The following CSMD3 variants were observed in gnomAD, a reference collection of about 807,000 sequenced individuals.
CSMD3 encodes the protein CUB and Sushi multiple domains 3, also known as CUB and sushi domain-containing protein 3.
Under a neutral mutation model 435.2 loss-of-function variants are expected in CSMD3, and 177 were observed. That is an observed-to-expected ratio of 0.41 (90% CI 0.36 to 0.46). CSMD3 has a LOEUF of 0.46. Among genes scored for constraint, CSMD3 ranks in the 20% least tolerant of loss-of-function variants. CSMD3 has a pLI of 0.34. For missense variants in CSMD3, 4,265 were observed against 4,504.6 expected (o/e 0.95, Z 1.52); for synonymous variants, 1,656 against 1,520.5 (o/e 1.09, Z -2.07).
At chr8:113,003,448 TG>T (rs1406095342) in intron 6 of CSMD3, among the ~76,000 whole-genome samples, 1 of 152,064 alleles carries the variant, frequency 6.6e-6, no homozygotes, top group African/African-American at 2.4e-5. Context: ...GTAATATTTT[TG>T]ATAAGTGTGT....
chr8:113,061,753 TAAAA>T (rs1009505891), intron 5 of CSMD3, among the ~76,000 whole-genome samples: 3 of 150,618 alleles, frequency 2.0e-5, no homozygotes, highest in Non-Finnish European at 1.5e-5. Flanking sequence ...CATAGGTTAA[TAAAA>T]AAAAAGTTAA....
chr8:112,594,551 C>T (rs1831509343), intron 22 of CSMD3, among the ~76,000 whole-genome samples: 1 of 152,196 alleles, frequency 6.6e-6, no homozygotes, highest in Admixed American at 6.5e-5. Flanking sequence ...CTGTAGGCTC[C>T]ACCTCTGGGG....
chr8:113,336,833 A>T (rs757461398), intron 1 of CSMD3, among the ~76,000 whole-genome samples: 4 of 152,106 alleles, frequency 2.6e-5, no homozygotes, highest in Non-Finnish European at 5.9e-5. Context: ...AGGGGGTCTC[A>T]TTACTGGCCA....
intron 1 of CSMD3, among the ~76,000 whole-genome samples, chr8:113,355,732 A>G (rs2094219571): frequency 2.8e-5 from 3 of 106,448 alleles, no homozygotes; most frequent in African/African-American, 4.5e-5. Flanking sequence ...TTATATATAT[A>G]TATATATATA....
At chr8:113,378,396 T>C (rs1406226487) in intron 1 of CSMD3, among the ~76,000 whole-genome samples, 2 of 152,200 alleles carry the variant, frequency 1.3e-5, no homozygotes, top group Admixed American at 1.3e-4. Context: ...TTTAGAGATA[T>C]AGTCTAGTTG....
chr8:112,413,395 C>A (rs984787085), intron 32 of CSMD3, among the ~76,000 whole-genome samples: 1 of 152,176 alleles, frequency 6.6e-6, no homozygotes, highest in African/African-American at 2.4e-5. Context: ...GTTTTCTATT[C>A]TCTATCAAAC....
At chr8:112,287,396 C>T (rs1456764304) in intron 57 of CSMD3, 150 bp from the exon 58 acceptor site, 2 of 718,102 alleles carry the variant, frequency 2.8e-6, no homozygotes, top group South Asian at 1.5e-5. Flanking sequence ...TCTTATCTGA[C>T]TCCAGTCATT....
chr8:112,832,659 G>A (rs981675865), intron 11 of CSMD3, among the ~76,000 whole-genome samples: 8 of 152,102 alleles, frequency 5.3e-5, no homozygotes, highest in African/African-American at 1.9e-4. Context: ...GAGCTTGGAA[G>A]AAGCCCTACA....
chr8:112,323,871 C>T (rs574251249), intron 45 of CSMD3, among the ~76,000 whole-genome samples: 115 of 152,056 alleles, frequency 7.6e-4, no homozygotes, highest in African/African-American at 2.6e-3. Context: ...CACTAAAATG[C>T]CACATCAAAA....
intron 36 of CSMD3, among the ~76,000 whole-genome samples, chr8:112,385,941 C>G (rs993924561): frequency 6.6e-6 from 1 of 151,916 alleles, no homozygotes; most frequent in African/African-American, 2.4e-5. Flanking sequence ...TAAATACTAC[C>G]GTATATGGAA....
chr8:112,410,384 C>T (rs548874262), intron 32 of CSMD3, among the ~76,000 whole-genome samples: 1 of 150,106 alleles, frequency 6.7e-6, no homozygotes, highest in Non-Finnish European at 1.5e-5. Flanking sequence ...CAGACACATG[C>T]CGTGAATTAT....
chr8:112,380,809 A>G (rs1351375173), intron 37 of CSMD3, among the ~76,000 whole-genome samples: 1 of 152,158 alleles, frequency 6.6e-6, no homozygotes, highest in African/African-American at 2.4e-5. Flanking sequence ...TAAACAATAA[A>G]TACATATATA....
chr8:112,494,252 G>T lies in CSMD3; in HGVS notation c.5084-1569C>A, dbSNP rs990026359. 2.0e-5 allele frequency among the ~76,000 whole-genome samples: 3 copies of T among 151,778 alleles called. No homozygotes were observed. The East Asian group carries it at 5.8e-4, about 29-fold the overall frequency. On this transcript the variant is annotated intron_variant, in intron 30 of 70. Transcript: ENST00000297405. ...ATAGAATAACAGATAAATGAGGAAG[G>T]TTGCCTCCCTTCTTTCCTTCCTTCC...
intron 6 of CSMD3, among the ~76,000 whole-genome samples, chr8:112,987,942 T>C (rs117829739): frequency 3.8e-4 from 57 of 151,972 alleles, no homozygotes; most frequent in Middle Eastern, 3.4e-3. Flanking sequence ...TGGGGAGGTG[T>C]TAGAGTTTGG....
chr8:112,305,764 T>C (rs1427609618), intron 51 of CSMD3, among the ~76,000 whole-genome samples: 1 of 152,110 alleles, frequency 6.6e-6, no homozygotes, highest in Non-Finnish European at 1.5e-5. Flanking sequence ...TAAAACATCA[T>C]TGTATAAAAT....
chr8:113,332,087 G>C (rs896753377), intron 1 of CSMD3, among the ~76,000 whole-genome samples: 8 of 151,602 alleles, frequency 5.3e-5, no homozygotes, highest in Admixed American at 1.3e-4. Context: ...AACAAAGTGA[G>C]TCATGAACAT....
intron 4 of CSMD3, among the ~76,000 whole-genome samples, chr8:113,127,507 C>T (rs2131664940): frequency 6.6e-6 from 1 of 152,036 alleles, no homozygotes; most frequent in African/African-American, 2.4e-5. Flanking sequence ...CTCCTACTTT[C>T]CCTCACCCCA....
chr8:112,548,094 T>C (rs1563688209), intron 27 of CSMD3, among the ~76,000 whole-genome samples: 1 of 152,152 alleles, frequency 6.6e-6, no homozygotes, highest in East Asian at 1.9e-4. Context: ...TTGTATACTT[T>C]AGAAACTAGA....
intron 27 of CSMD3, among the ~76,000 whole-genome samples, chr8:112,520,325 A>T (rs943964600): frequency 6.6e-6 from 1 of 152,038 alleles, no homozygotes; most frequent in Non-Finnish European, 1.5e-5. Context: ...TTTCATCCCC[A>T]TTTTTAAATG....
Sources: allele counts gnomAD v4.1 joint callset (sites outside exome capture counted in the v4.1 genomes callset), GRCh38; gene constraint gnomAD v4.1.1; transcripts MANE v1.5; gene names NCBI Gene and HGNC (gene_info 2026-07-23, HGNC 2026-07-21).